The following OCA2 variants were observed in gnomAD, a reference collection of about 807,000 sequenced individuals.
The protein encoded by OCA2 is P protein.
OCA2 carries 77 observed loss-of-function variants against 100.2 expected under a neutral mutation model. The observed-to-expected ratio is 0.77, with a 90% confidence interval of 0.64 to 0.93. The LOEUF is 0.93. Among genes scored for constraint, OCA2 ranks in the 40% least tolerant of loss-of-function variants. OCA2 has a pLI of 0.00. For missense variants in OCA2, 1,062 were observed against 1,089.1 expected, an observed-to-expected ratio of 0.98 and a Z score of 0.35; for synonymous variants, 432 against 439.2, an observed-to-expected ratio of 0.98 and a Z score of 0.21.
intron 19 of OCA2, among the ~76,000 whole-genome samples, chr15:27,899,830 T>C (rs2253509): frequency 0.12 from 18,877 of 152,216 alleles, 2,812 homozygotes; most frequent in African/African-American, 0.35. Flanking sequence ...TCACTATCTC[T>C]GTCACAGCCC....
At position 28,032,098 on chromosome 15, in the gene OCA2, G is replaced by A; in HGVS notation, c.293C>T (p.Thr98Ile). 6.2e-7 allele frequency: 1 copy of A among 1,614,018 alleles called. No homozygotes were observed. Among genetic ancestry groups the A allele is most frequent in the Non-Finnish European group, 8.5e-7 (1 of 1,179,870 alleles). ...RSKDSCFTEN[T>I]PLLRNSLQEK... ...CTGTAAGGAATTCCTCAGCAAAGGA[G>A]TGTTTTCTGTAAAGCAGGAATCTTT... Residue 98 changes from threonine (T) to isoleucine (I), a missense_variant, in exon 3 of 24, where the codon ACT (threonine) becomes ATT (isoleucine). Transcript: ENST00000354638.
intron 1 of OCA2, among the ~76,000 whole-genome samples, chr15:28,090,944 T>A (rs937303522): frequency 1.2e-4 from 18 of 152,154 alleles, no homozygotes; most frequent in Admixed American, 7.2e-4. Context: ...AACAATCCTC[T>A]AGCAAGACTG....
At chr15:27,807,936 C>T (rs1175574179) in intron 23 of OCA2, among the ~76,000 whole-genome samples, 1 of 152,178 alleles carries the variant, frequency 6.6e-6, no homozygotes, top group Admixed American at 6.5e-5. Flanking sequence ...GGAGTCTACT[C>T]CCCTGTACAT....
chr15:27,845,837 A>G (rs1358807080), intron 22 of OCA2, among the ~76,000 whole-genome samples: 1 of 152,046 alleles, frequency 6.6e-6, no homozygotes, highest in East Asian at 1.9e-4. Flanking sequence ...CTCTCCTTCT[A>G]TGGAGGATGG....
intron 18 of OCA2, among the ~76,000 whole-genome samples, chr15:27,929,822 G>GA: frequency 6.6e-6 from 1 of 151,294 alleles, no homozygotes; most frequent in African/African-American, 2.4e-5. Flanking sequence ...ATTCAAATGG[G>GA]AAATATTTTA....
chr15:27,980,697 A>G (rs2041131624), intron 14 of OCA2, among the ~76,000 whole-genome samples: 2 of 152,168 alleles, frequency 1.3e-5, no homozygotes, highest in African/African-American at 4.8e-5. Flanking sequence ...ATTTAAAGGT[A>G]TTGCTCCGTT....
At chr15:27,817,751 T>A (rs2034358438) in intron 23 of OCA2, among the ~76,000 whole-genome samples, 1 of 152,206 alleles carries the variant, frequency 6.6e-6, no homozygotes, top group African/African-American at 2.4e-5. Flanking sequence ...GTGGATCTGT[T>A]ACTGCACAGG....
intron 2 of OCA2, among the ~76,000 whole-genome samples, chr15:28,035,392 C>T (rs2043018918): frequency 6.6e-6 from 1 of 152,190 alleles, no homozygotes; most frequent in African/African-American, 2.4e-5. Context: ...CAAATCCATT[C>T]CTCTCTGCAA....
At chr15:28,099,068 C>G (rs1354916769) in intron 1 of OCA2, 156 bp downstream of exon 1, 1 of 155,422 alleles carries the variant, frequency 6.4e-6, no homozygotes, top group Non-Finnish European at 1.4e-5. Flanking sequence ...TAGGTCGGCT[C>G]CGTCGCACCC....
intron 14 of OCA2, among the ~76,000 whole-genome samples, chr15:27,971,484 C>T (rs563605991): frequency 3.0e-4 from 45 of 152,180 alleles, no homozygotes; most frequent in African/African-American, 8.9e-4. Flanking sequence ...TGGGTTGGTG[C>T]GCGTGGATGC....
At chr15:27,908,767 G>GT (rs760389442) in intron 19 of OCA2, among the ~76,000 whole-genome samples, 21 of 152,152 alleles carry the variant, frequency 1.4e-4, no homozygotes, top group Non-Finnish European at 2.8e-4. Flanking sequence ...TAGAGACTCA[G>GT]GTTTTTATTG....
intron 1 of OCA2, among the ~76,000 whole-genome samples, chr15:28,090,939 T>C (rs1256382085): frequency 6.6e-6 from 1 of 151,926 alleles, no homozygotes; most frequent in East Asian, 1.9e-4. Context: ...GAATTAACAA[T>C]CCTCTAGCAA....
chr15:27,983,535 G>C, intron 13 of OCA2, 52 bp from the exon 14 acceptor site: 7 of 1,598,768 alleles, frequency 4.4e-6, no homozygotes, highest in Non-Finnish European at 6.0e-6. Context: ...CATCGTGAAA[G>C]GCCCACATGC....
At chr15:27,848,081 G>C (rs1014940853) in intron 22 of OCA2, among the ~76,000 whole-genome samples, 1 of 152,194 alleles carries the variant, frequency 6.6e-6, no homozygotes, top group African/African-American at 2.4e-5. Flanking sequence ...TCTGAGGTTT[G>C]GTCTCAGGGC....
At chr15:27,996,548 T>A (rs1462028757) in intron 9 of OCA2, among the ~76,000 whole-genome samples, 3 of 150,912 alleles carry the variant, frequency 2.0e-5, no homozygotes, top group Admixed American at 6.6e-5. Context: ...AAGAGTTGGG[T>A]TTGAAAGGAT....
chr15:27,730,754 TATATATATATATATATATATATA>T, the OCA2 span, among the ~76,000 whole-genome samples: 2 of 104,910 alleles, frequency 1.9e-5, no homozygotes, highest in African/African-American at 1.6e-4. Context: ...TATATATATA[TATATATATATATATATATATATA>T]TGTTTTTTTT....
intron 21 of OCA2, among the ~76,000 whole-genome samples, chr15:27,861,432 T>G (rs2036127851): frequency 6.6e-6 from 1 of 151,544 alleles, no homozygotes. Context: ...GCACTTGGAG[T>G]AAGTGTTCAG....
intron 21 of OCA2, among the ~76,000 whole-genome samples, chr15:27,864,047 C>A (rs1177723996): frequency 6.6e-6 from 1 of 152,062 alleles, no homozygotes; most frequent in Non-Finnish European, 1.5e-5. Flanking sequence ...AGATGGGAGA[C>A]CCTCACTTCT....
chr15:27,857,439 AG>A (rs555683724), intron 21 of OCA2, among the ~76,000 whole-genome samples: 1 of 152,296 alleles, frequency 6.6e-6, no homozygotes, highest in African/African-American at 2.4e-5. Context: ...TAATGGGTAC[AG>A]GGTTTTAGTT....
Sources: gnomAD v4.1 joint callset for allele counts (sites outside exome capture counted in the v4.1 genomes callset) on GRCh38, gnomAD v4.1.1 for gene constraint, MANE v1.5 for transcripts, NCBI Gene and HGNC (gene_info 2026-07-23, HGNC 2026-07-21) for gene names.